The following HMCN1 variants were observed in gnomAD, a reference collection of about 807,000 sequenced individuals.
HMCN1 encodes the protein hemicentin 1.
HMCN1 carries 321 observed loss-of-function variants against 625.9 expected under a neutral mutation model. The observed-to-expected ratio is 0.51, with a 90% CI of 0.47 to 0.56. The LOEUF (loss-of-function observed/expected upper bound fraction) is 0.56. Ranked by LOEUF, HMCN1 falls within the 20% of genes least tolerant of loss-of-function variation. The probability of loss-of-function intolerance (pLI) is 0.00; values close to 1 mark genes in which losing one functional copy is unlikely to be tolerated. For missense variants in HMCN1, 6,588 were observed against 6,887.3 expected (o/e 0.96, Z 1.54); for synonymous variants, 2,425 against 2,417.6 (o/e 1.00, Z -0.09).
chr1:185,850,774 CT>C (rs374934045), intron 2 of HMCN1, among the ~76,000 whole-genome samples: 4,650 of 149,100 alleles, frequency 0.031, 259 homozygotes, highest in African/African-American at 0.11. Context: ...ATGGGATTTT[CT>C]TTTTTTTTTC....
intron 4 of HMCN1, among the ~76,000 whole-genome samples, chr1:185,901,444 G>A (rs1571531124): frequency 6.6e-6 from 1 of 151,640 alleles, no homozygotes; most frequent in African/African-American, 2.4e-5. Context: ...TGTTACAATG[G>A]TTAAGGGAAT....
At chr1:186,036,026 A>G (rs1487795960) in intron 36 of HMCN1, among the ~76,000 whole-genome samples, 3 of 152,168 alleles carry the variant, frequency 2.0e-5, no homozygotes, top group Non-Finnish European at 1.5e-5. Flanking sequence ...TTGTTATTCA[A>G]TGCATAAGGT....
At chr1:185,949,567 C>T (rs1668534462) in intron 11 of HMCN1, among the ~76,000 whole-genome samples, 1 of 151,874 alleles carries the variant, frequency 6.6e-6, no homozygotes, top group Non-Finnish European at 1.5e-5. Context: ...AAAGGTTTCA[C>T]TGAATACTAA....
At chr1:186,018,404 G>A in intron 34 of HMCN1, 52 bp downstream of exon 34, 1 of 1,465,752 alleles carries the variant, frequency 6.8e-7, no homozygotes, top group South Asian at 1.1e-5. Context: ...TTTATGCATT[G>A]TTTTATTATC....
chr1:185,916,012 A>C (rs892145766), intron 6 of HMCN1, among the ~76,000 whole-genome samples: 1 of 151,900 alleles, frequency 6.6e-6, no homozygotes, highest in Admixed American at 6.6e-5. Flanking sequence ...ACATGTGTAC[A>C]CTTAGGTACA....
intron 1 of HMCN1, among the ~76,000 whole-genome samples, chr1:185,735,906 TC>T (rs1234725419): frequency 3.9e-5 from 6 of 152,224 alleles, no homozygotes; most frequent in Non-Finnish European, 7.3e-5. Context: ...CACCTGAGTT[TC>T]ATTAGCACAA....
chr1:185,742,195 G>A (rs1654038103), intron 1 of HMCN1, among the ~76,000 whole-genome samples: 1 of 152,084 alleles, frequency 6.6e-6, no homozygotes. Flanking sequence ...TAAAATTAGA[G>A]CATTGGCAGG....
intron 1 of HMCN1, among the ~76,000 whole-genome samples, chr1:185,754,666 A>G (rs1339950682): frequency 6.6e-6 from 1 of 152,172 alleles, no homozygotes; most frequent in Admixed American, 6.5e-5. Flanking sequence ...CCTGGGCAAC[A>G]TGGCTAAACT....
At chr1:186,167,740 G>T (rs1033543537) in intron 100 of HMCN1, among the ~76,000 whole-genome samples, 2 of 152,120 alleles carry the variant, frequency 1.3e-5, no homozygotes, top group Non-Finnish European at 1.5e-5. Flanking sequence ...TCATACAATT[G>T]TGCAGACTTT....
chr1:186,124,283 G>A (rs1571385849), intron 81 of HMCN1, among the ~76,000 whole-genome samples: 1 of 152,146 alleles, frequency 6.6e-6, no homozygotes, highest in East Asian at 1.9e-4. Context: ...TAGCCAAAAA[G>A]TAGGTCAAAG....
intron 92 of HMCN1, 60 bp downstream of exon 92, chr1:186,145,633 A>T: frequency 6.2e-7 from 1 of 1,610,024 alleles, no homozygotes; most frequent in Non-Finnish European, 8.5e-7. Flanking sequence ...TGCTCATTGT[A>T]GCAGGCCTAT....
intron 36 of HMCN1, among the ~76,000 whole-genome samples, chr1:186,025,598 A>G (rs1483011896): frequency 6.6e-6 from 1 of 152,214 alleles, no homozygotes; most frequent in African/African-American, 2.4e-5. Context: ...CAAGTATCCC[A>G]TCAAATAAAG....
intron 11 of HMCN1, among the ~76,000 whole-genome samples, chr1:185,939,042 G>T (rs1439661552): frequency 6.6e-6 from 1 of 152,076 alleles, no homozygotes; most frequent in East Asian, 1.9e-4. Context: ...TTCTTAAAAT[G>T]ATTTATTAAA....
At chr1:185,894,885 C>T (rs538120666) in intron 4 of HMCN1, among the ~76,000 whole-genome samples, 1 of 151,882 alleles carries the variant, frequency 6.6e-6, no homozygotes, top group Non-Finnish European at 1.5e-5. Context: ...TTTCCTGACA[C>T]GGTAGTTTGG....
At position 186,068,034 on chromosome 1, in the gene HMCN1, G is replaced by C. The variant is rs143911151; in HGVS notation, c.7879+27G>C. On this transcript the variant is annotated intron_variant, in intron 50 of 106. Transcript: ENST00000271588. ...TAATTCATTTGCTTCAGATGTCCAA[G>C]ATGCATCTGCGTCATCTACTATTCT... The C allele has an allele frequency of 1.7e-4, 272 of 1,574,502 alleles. No homozygotes were observed. In the African/African-American group the frequency reaches 3.3e-3, roughly 19 times the overall value.
At chr1:186,139,897 C>T (rs541080648) in intron 89 of HMCN1, among the ~76,000 whole-genome samples, 1 of 151,970 alleles carries the variant, frequency 6.6e-6, no homozygotes, top group East Asian at 1.9e-4. Flanking sequence ...GGCAGCCAGC[C>T]TAAGACAGCC....
At chr1:185,867,727 A>C (rs1663349052) in intron 4 of HMCN1, among the ~76,000 whole-genome samples, 1 of 152,074 alleles carries the variant, frequency 6.6e-6, no homozygotes, top group Admixed American at 6.6e-5. Context: ...CTTTTGAAAG[A>C]ATAGTTGCTC....
intron 85 of HMCN1, 83 bp from the exon 86 acceptor site, chr1:186,132,245 A>C (rs776236664): frequency 3.2e-6 from 3 of 945,194 alleles, no homozygotes; most frequent in Non-Finnish European, 5.1e-6. Flanking sequence ...TGAAATTTCA[A>C]ATAAACTAGC....
intron 40 of HMCN1, among the ~76,000 whole-genome samples, chr1:186,043,264 A>C (rs925403416): frequency 2.6e-5 from 4 of 152,148 alleles, no homozygotes; most frequent in African/African-American, 9.7e-5. Context: ...TATCTTAGGA[A>C]GCTGAGGATC....
Sources: gnomAD v4.1 joint callset for allele counts (sites outside exome capture counted in the v4.1 genomes callset) on GRCh38, gnomAD v4.1.1 for gene constraint, MANE v1.5 for transcripts, NCBI Gene and HGNC (gene_info 2026-07-23, HGNC 2026-07-21) for gene names.